SLC35A3: variants seen among roughly 807,000 people sequenced by gnomAD.
SLC35A3 encodes the protein solute carrier family 35 member A3.
SLC35A3 carries 26 observed loss-of-function variants against 39.0 expected under a neutral mutation model. That is an observed-to-expected ratio of 0.67 (90% CI 0.49 to 0.92). SLC35A3 has a LOEUF of 0.92. Among genes scored for constraint, SLC35A3 ranks in the 40% least tolerant of loss-of-function variants. The pLI is 0.00. For synonymous variants in SLC35A3, 135 were observed against 133.1 expected (o/e 1.01, Z -0.10); for missense variants, 299 against 371.6 (o/e 0.80, Z 1.61).
intron 7 of SLC35A3, among the ~76,000 whole-genome samples, chr1:100,021,445 G>C (rs1219887040): frequency 6.6e-6 from 1 of 152,144 alleles, no homozygotes; most frequent in African/African-American, 2.4e-5. Flanking sequence ...GGGAGTCTGA[G>C]GCAGATCACT....
intron 3 of SLC35A3, among the ~76,000 whole-genome samples, chr1:99,999,933 T>A (rs1466760111): frequency 3.9e-5 from 6 of 152,184 alleles, no homozygotes; most frequent in Non-Finnish European, 8.8e-5. Context: ...AATGACAGGA[T>A]CTCATTCTTG....
At position 100,030,331 on chromosome 1, in the gene SLC35A3, A is replaced by G. The variant is rs768294528; in HGVS notation, c.*7855A>G. 1 of 152,258 alleles carries G rather than the reference A, an allele frequency of 6.6e-6. No homozygotes were observed. The highest frequency in any genetic ancestry group is 1.5e-5 in the Non-Finnish European group (1 of 68,050). 9.4% of individuals were successfully genotyped at this position (152,258 alleles called of 1,614,324 possible). Reference sequence around the variant, plus strand: ...TTAAAAGAATAATGAATATTGTTACAGTGTTTAGTGATAATCACTGAAAAT... The same window carrying G: ...TTAAAAGAATAATGAATATTGTTACGGTGTTTAGTGATAATCACTGAAAAT... On this transcript the variant is annotated 3_prime_UTR_variant, in exon 8 of 8. Transcript: ENST00000533028.
intron 1 of SLC35A3, among the ~76,000 whole-genome samples, chr1:99,976,350 A>G (rs1657104977): frequency 6.6e-6 from 1 of 152,230 alleles, no homozygotes. Flanking sequence ...TTAAAAAAAC[A>G]AAACTATACA....
At chr1:100,002,411 A>G (rs539106290) in intron 3 of SLC35A3, among the ~76,000 whole-genome samples, 2 of 152,194 alleles carry the variant, frequency 1.3e-5, no homozygotes, top group African/African-American at 4.8e-5. Context: ...ATAGTCTCTA[A>G]TGATCCTGTG....
chr1:99,995,695 ATAG>A (rs1378005179), intron 2 of SLC35A3, among the ~76,000 whole-genome samples: 1 of 152,324 alleles, frequency 6.6e-6, no homozygotes, highest in Non-Finnish European at 1.5e-5. Flanking sequence ...GAGATGTCAA[ATAG>A]TAGAGTCTAT....
At position 99,982,314 on chromosome 1, in the gene SLC35A3, T is replaced by G. The variant is rs565754470; in HGVS notation, c.-18-11223T>G. ...CTGCGTCCGGCCTGTATTCTATTTT[T>G]GAAAAGATGAATATAAATTATTAGT... On this transcript the variant is annotated intron_variant, in intron 1 of 7. Transcript: ENST00000533028. Among the ~76,000 whole-genome samples, 3 of 152,298 alleles carry G rather than the reference T, an allele frequency of 2.0e-5. No homozygotes were observed. In the East Asian group the frequency reaches 5.8e-4, roughly 29 times the overall value.
rs1170082728 is a variant in SLC35A3 at position 100,029,426 on chromosome 1, AT to A, written c.*6972del. 5,402 of 125,440 alleles carry A rather than the reference AT, an allele frequency of 0.043. 41 individuals are homozygous for A. Among genetic ancestry groups the A allele is most frequent in the African/African-American group, 0.07 (2,162 of 30,846 alleles). The allele number at this position is 125,440 out of a possible 1,614,324, so 7.8% of individuals were successfully genotyped here. ...CAATTCTTCTTTTCAGAGACTTTTA[AT>A]TTTTTTTTTTTTTTTTTTTTTGAGA... On this transcript the variant is annotated 3_prime_UTR_variant, in exon 8 of 8. Coordinates refer to ENST00000533028, the MANE Select transcript of SLC35A3 (RefSeq NM_012243.3).
intron 1 of SLC35A3, among the ~76,000 whole-genome samples, chr1:99,979,623 C>T (rs1296641873): frequency 3.3e-5 from 5 of 151,216 alleles, no homozygotes; most frequent in South Asian, 2.1e-4. Flanking sequence ...TTAGTAGAGA[C>T]GGTGTTTCAC....
At position 99,984,492 on chromosome 1, in the gene SLC35A3, A is replaced by G. The variant is rs948540976; in HGVS notation, c.-18-9045A>G. On this transcript the variant is annotated intron_variant, in intron 1 of 7. Transcript: ENST00000533028. ...ACAATTTATTTGTTGATTAATAGAC[A>G]TTTGGACTGGTTCCATATTTTCATA... Among the ~76,000 whole-genome samples, 3 of 152,264 alleles carry G rather than the reference A, an allele frequency of 2.0e-5. No individual in the cohort carries two copies. The East Asian group carries it at 5.8e-4, about 29-fold the overall frequency.
intron 1 of SLC35A3, among the ~76,000 whole-genome samples, chr1:99,989,069 G>C (rs538801678): frequency 6.6e-6 from 1 of 152,022 alleles, no homozygotes; most frequent in East Asian, 1.9e-4. Context: ...TTTCAAAGTG[G>C]TCGTACCATT....
chr1:99,994,996 G>C lies in SLC35A3; in HGVS notation c.187+1255G>C, dbSNP rs184324356. ...TTTTGTTTTTTTGTTTTTTCAAATA[G>C]CCATTCTAATAGGTGTGAAGTAGTT... On this transcript the variant is annotated intron_variant, in intron 2 of 7. Coordinates refer to ENST00000533028, the MANE Select transcript of SLC35A3 (RefSeq NM_012243.3). 4.1e-3 allele frequency among the ~76,000 whole-genome samples: 620 copies of C among 151,970 alleles called. 10 individuals are homozygous for C. The highest frequency in any genetic ancestry group is 0.019 in the East Asian group (97 of 5,180).
intron 1 of SLC35A3, among the ~76,000 whole-genome samples, chr1:99,989,393 C>T (rs1657943477): frequency 6.6e-6 from 1 of 152,168 alleles, no homozygotes; most frequent in African/African-American, 2.4e-5. Context: ...AAGCAATTCT[C>T]CTGCCTCAGC....
chr1:100,018,841 T>C (rs550415665), intron 7 of SLC35A3, among the ~76,000 whole-genome samples: 1 of 152,344 alleles, frequency 6.6e-6, no homozygotes, highest in Non-Finnish European at 1.5e-5. Context: ...AAAAATATAA[T>C]ATCCTTTTTA....
intron 1 of SLC35A3, chr1:99,970,496 T>TGGGCCCGGCTG (rs1289948845): frequency 1.0e-5 from 15 of 1,430,054 alleles, no homozygotes; most frequent in Non-Finnish European, 1.3e-5. Context: ...TAGTGACGGG[T>TGGGCCCGGCTG]GGGCCCGGCT....
chr1:99,995,156 CTTTCTTTT>C (rs1183684380), intron 2 of SLC35A3, among the ~76,000 whole-genome samples: 38 of 97,746 alleles, frequency 3.9e-4, no homozygotes, highest in African/African-American at 1.4e-3. Context: ...TTCTTTCTTT[CTTTCTTTT>C]TTTTTCGAGA....
At chr1:100,006,676 G>A (rs1480168597) in intron 3 of SLC35A3, among the ~76,000 whole-genome samples, 1 of 152,138 alleles carries the variant, frequency 6.6e-6, no homozygotes, top group Non-Finnish European at 1.5e-5. Context: ...GTCTGCGCAG[G>A]TGCTGTCTGT....
chr1:100,002,949 T>G (rs994120650), intron 3 of SLC35A3, among the ~76,000 whole-genome samples: 1 of 152,020 alleles, frequency 6.6e-6, no homozygotes, highest in African/African-American at 2.4e-5. Flanking sequence ...TCTTTTAGTT[T>G]TGGTTTGGTT....
intron 1 of SLC35A3, chr1:99,970,583 C>A: frequency 6.5e-7 from 1 of 1,536,010 alleles, no homozygotes; most frequent in Non-Finnish European, 8.7e-7. Context: ...ACAGATGCAC[C>A]CGACCAGCAC....
chr1:100,032,235 A>G lies in SLC35A3; in HGVS notation c.*9759A>G, dbSNP rs1022627508. Reference sequence around the variant, plus strand: ...GGAGTAATGTTTTAGCACCAGGAGAATATTCTGTTTCCCAATGCCTTTAGC... The same window carrying G: ...GGAGTAATGTTTTAGCACCAGGAGAGTATTCTGTTTCCCAATGCCTTTAGC... On this transcript the variant is annotated 3_prime_UTR_variant, in exon 8 of 8. Coordinates refer to ENST00000533028, the MANE Select transcript of SLC35A3 (RefSeq NM_012243.3). The G allele has an allele frequency of 3.9e-5, 6 of 152,180 alleles. No homozygotes were observed. Among genetic ancestry groups the G allele is most frequent in the Admixed American group, 1.3e-4 (2 of 15,276 alleles). 9.4% of individuals were successfully genotyped at this position (152,180 alleles called of 1,614,324 possible). A position where few individuals can be genotyped will look rare whatever the true frequency, so the allele number is the denominator to read the frequency against.
Sources: allele counts gnomAD v4.1 joint callset (sites outside exome capture counted in the v4.1 genomes callset), GRCh38; gene constraint gnomAD v4.1.1; transcripts MANE v1.5; gene names NCBI Gene and HGNC (gene_info 2026-07-23, HGNC 2026-07-21).